Variants in HGS observed in about 807,000 individuals in gnomAD.
The protein encoded by HGS is hepatocyte growth factor-regulated tyrosine kinase substrate.
Under a neutral mutation model 109.7 loss-of-function variants are expected in HGS, and 63 were observed. The ratio of observed to expected loss-of-function variants is 0.57; its 90% CI spans 0.47 to 0.71. HGS has a LOEUF of 0.71. Among genes scored for constraint, HGS ranks in the 30% least tolerant of loss-of-function variants. The probability of loss-of-function intolerance (pLI) is 0.00; values close to 1 mark genes in which losing one functional copy is unlikely to be tolerated. For missense variants in HGS, 995 were observed against 1,068.3 expected, an observed-to-expected ratio of 0.93 and a Z score of 0.96; for synonymous variants, 546 against 437.3, an observed-to-expected ratio of 1.25 and a Z score of -3.10.
rs574168210 is a variant in HGS, at chr17:81,699,338, T to C, written c.1883-1129T>C. 5.3e-5 allele frequency among the ~76,000 whole-genome samples: 8 copies of C among 152,372 alleles called. No individual in the cohort carries two copies. In the East Asian group the frequency reaches 1.3e-3, roughly 26 times the overall value. On this transcript the variant is annotated intron_variant, in intron 18 of 21. Coordinates refer to ENST00000329138, the MANE Select transcript of HGS (RefSeq NM_004712.5). ...TACTGGAATTCACTATCCCATCCCA[T>C]TGGTCAGACCATGTCACTCATTTCA...
chr17:81,696,850 T>C lies in HGS; in HGVS notation c.1734T>C (p.Gly578=), dbSNP rs12951171. 106,429 of 1,609,956 alleles carry C rather than the reference T, an allele frequency of 0.066. 4,621 individuals are homozygous for C. Among genetic ancestry groups the C allele is most frequent in the East Asian group, 0.26 (11,614 of 44,754 alleles). Residue 578 remains glycine (G), a synonymous_variant, in exon 18 of 22, where the codon GGT becomes GGC. Coordinates refer to ENST00000329138, the MANE Select transcript of HGS (RefSeq NM_004712.5). ...AQLQAMPAAG[G]VLYQPSGPAS... ...TCCAGGCCATGCCCGCAGCCGGAGG[T>C]GTGCTCTACCAGCCCTCGGGACCAG...
rs748075076 is a variant in HGS, at chr17:81,686,381, C to T, written c.192C>T (p.Ala64=). Residue 64 remains alanine (A), a synonymous_variant, in exon 3 of 22, where the codon GCC becomes GCT. Coordinates refer to ENST00000329138, the MANE Select transcript of HGS (RefSeq NM_004712.5). ...AGAACCCACACGTCGCCTTGTATGCCCTGGAGGTAAGCAGACCCCCGTGCC... is the reference window on the plus strand; with the variant it reads ...AGAACCCACACGTCGCCTTGTATGCTCTGGAGGTAAGCAGACCCCCGTGCC... ...NDKNPHVALY[A]LEVMESVVKN... is the part of the protein sequence containing the mutation. 1.2e-5 allele frequency: 20 copies of T among 1,613,166 alleles called. No homozygotes were observed. Among genetic ancestry groups the T allele is most frequent in the South Asian group, 5.5e-5 (5 of 91,068 alleles).
intron 18 of HGS, chr17:81,698,098 A>C (rs1272226139): frequency 1.3e-5 from 2 of 152,134 alleles, no homozygotes; most frequent in African/African-American, 4.8e-5. Flanking sequence ...CAGGAGTTCA[A>C]GACCAGCCTG....
rs1207628877 is a variant in HGS at position 81,695,002 on chromosome 17, G to A, written c.1054G>A (p.Val352Met). Reference sequence around the variant, plus strand: ...CAAGAGCCCCACGCCATCTGCGCCCGTGCCCCTGACGGAGCCGGCTGCACA... The same window carrying A: ...CAAGAGCCCCACGCCATCTGCGCCCATGCCCCTGACGGAGCCGGCTGCACA... ...ARKSPTPSAPVPLTEPAAQPG... is the reference protein window; with the variant it reads ...ARKSPTPSAPMPLTEPAAQPG... The change falls in exon 13 of 22, where the codon GTG becomes ATG. Residue 352 changes from valine (V) to methionine (M), a missense_variant. Physicochemically the swap from Val to Met is conservative, Grantham distance 21 (BLOSUM62 1). Around this residue, in one of 6 missense-constraint regions of HGS, gnomAD observed 300 missense variants for 235.4 expected, o/e 1.27. Coordinates refer to ENST00000329138, the MANE Select transcript of HGS (RefSeq NM_004712.5). The A allele has an allele frequency of 5.6e-6, 9 of 1,613,938 alleles. No homozygotes were observed. Among genetic ancestry groups the A allele is most frequent in the African/African-American group, 1.3e-5 (1 of 74,938 alleles).
rs773576395 is a variant in HGS at position 81,695,778 on chromosome 17, G to T, written c.1180-8G>T. On this transcript the variant is annotated splice_polypyrimidine_tract_variant and splice_region_variant and intron_variant, in intron 14 of 21. Transcript: ENST00000329138. Reference sequence around the variant, plus strand: ...CCGCACTCATCCAGAACCCTGCTCTGCCTGCAGCCACAGTTCCACAATGGC... The same window carrying T: ...CCGCACTCATCCAGAACCCTGCTCTTCCTGCAGCCACAGTTCCACAATGGC... The T allele has an allele frequency of 1.9e-6, 3 of 1,613,090 alleles. No individual in the cohort carries two copies. Among genetic ancestry groups the T allele is most frequent in the South Asian group, 2.2e-5 (2 of 91,078 alleles).
intron 8 of HGS, 54 bp from the exon 9 acceptor site, chr17:81,693,449 G>C: frequency 7.4e-7 from 1 of 1,360,248 alleles, no homozygotes; most frequent in East Asian, 2.3e-5. Flanking sequence ...GAGCTTTGGC[G>C]GGGGCAGGGC....
chr17:81,700,632 G>GGCCAGC (rs1215417201), intron 19 of HGS, 32 bp downstream of exon 19: 2 of 1,588,640 alleles, frequency 1.3e-6, no homozygotes, highest in East Asian at 2.3e-5. Context: ...CTCCTTCCAG[G>GGCCAGC]GCCAGCCCCA....
rs749253587 is a variant in HGS, at chr17:81,700,591, G to A, written c.2007G>A (p.Ala669=). Residue 669 remains alanine (A), a synonymous_variant, in exon 19 of 22, where the codon GCG becomes GCA. Transcript: ENST00000329138. ...AYSSYQPTPT[A]GYQNVASQAP... Reference sequence around the variant, plus strand: ...CATCCTACCAGCCTACTCCCACAGCGGGCTACCAGGTACACAGGAAGGCCG... The same window carrying A: ...CATCCTACCAGCCTACTCCCACAGCAGGCTACCAGGTACACAGGAAGGCCG... 6.9e-6 allele frequency: 11 copies of A among 1,605,420 alleles called. No individual in the cohort carries two copies. Among genetic ancestry groups the A allele is most frequent in the Admixed American group, 3.4e-5 (2 of 59,414 alleles).
At position 81,696,591 on chromosome 17, in the gene HGS, T is replaced by C. The variant is rs972000027; in HGVS notation, c.1567-16T>C. 6.3e-7 allele frequency: 1 copy of C among 1,581,494 alleles called. No homozygotes were observed. The highest frequency in any genetic ancestry group is 8.6e-7 in the Non-Finnish European group (1 of 1,160,878). Reference sequence around the variant, plus strand: ...GGGGGACCTCGCAGCATAACCAGCATGTTTTTGCCGCACAGGAGTACCTGG... The same window carrying C: ...GGGGGACCTCGCAGCATAACCAGCACGTTTTTGCCGCACAGGAGTACCTGG... On this transcript the variant is annotated splice_polypyrimidine_tract_variant and intron_variant, in intron 16 of 21. Transcript: ENST00000329138.
Position 81,688,760 on chromosome 17 carries a change from G to A in HGS, c.348G>A (p.Ala116=), listed in dbSNP as rs768316762. 5.6e-6 allele frequency: 9 copies of A among 1,614,046 alleles called. No homozygotes were observed. The highest frequency in any genetic ancestry group is 1.6e-4 in the Middle Eastern group (1 of 6,062). Residue 116 remains alanine, a synonymous_variant, in exon 5 of 22, where the codon GCG becomes GCA. Coordinates refer to ENST00000329138, the MANE Select transcript of HGS (RefSeq NM_004712.5). ...NKILYLIQAW[A]HAFRNEPKYK... The stretch of plus-strand genomic sequence containing the variant: ...TCCTGTACCTGATCCAGGCCTGGGC[G>A]CATGCCTTCCGGAACGAGCCCAAGT...
At chr17:81,701,468 A>G (rs2037236090) in intron 21 of HGS, 40 bp from the exon 22 acceptor site, 3 of 1,520,704 alleles carry the variant, frequency 2.0e-6, no homozygotes, top group African/African-American at 2.8e-5. Flanking sequence ...TGGGCTGGGG[A>G]AGGGAGGACC....
chr17:81,684,409 A>C (rs2036937118), intron 1 of HGS: 3 of 309,682 alleles, frequency 9.7e-6, no homozygotes, highest in African/African-American at 2.2e-5. Context: ...ACCGACGAGC[A>C]CCCGGCCGAG....
At chr17:81,690,558 T>A (rs1297640406) in intron 6 of HGS, 116 bp from the exon 7 acceptor site, 7 of 1,022,112 alleles carry the variant, frequency 6.8e-6, no homozygotes, top group Non-Finnish European at 8.5e-6. Context: ...GGCATTGCTC[T>A]CGCTCGTGCT....
intron 18 of HGS, chr17:81,697,656 GACT>G (rs2037175923): frequency 6.6e-6 from 1 of 152,182 alleles, no homozygotes; most frequent in Admixed American, 6.5e-5. Context: ...AATACCCTGG[GACT>G]CCTCAAGGTC....
intron 4 of HGS, 97 bp downstream of exon 4, chr17:81,687,192 G>A: frequency 1.2e-6 from 1 of 813,100 alleles, no homozygotes; most frequent in South Asian, 1.5e-5. Flanking sequence ...CACCAGGTGT[G>A]GCGGAAAATG....
At chr17:81,687,231 T>C (rs938708062) in intron 4 of HGS, 136 bp downstream of exon 4, 6 of 662,204 alleles carry the variant, frequency 9.1e-6, no homozygotes, top group Admixed American at 4.3e-5. Flanking sequence ...GTCCCTGCAC[T>C]GCGCAAGCTC....
In HGS at chr17:81,693,634, C is replaced by T. The variant is rs778314317; in HGVS notation, c.742-20C>T. 5.2e-6 allele frequency: 8 copies of T among 1,545,466 alleles called. No individual in the cohort carries two copies. The highest frequency in any genetic ancestry group is 6.1e-6 in the Non-Finnish European group (7 of 1,139,286). Reference sequence around the variant, plus strand: ...ACCTCTTCCCCGGCGCCCCCCCTCACCCTCCCCGCTTGTCCTCAGCTGCCC... The same window carrying T: ...ACCTCTTCCCCGGCGCCCCCCCTCATCCTCCCCGCTTGTCCTCAGCTGCCC... On this transcript the variant is annotated intron_variant, in intron 9 of 21. Coordinates refer to ENST00000329138, the MANE Select transcript of HGS (RefSeq NM_004712.5).
intron 21 of HGS, 33 bp from the exon 22 acceptor site, chr17:81,701,475 G>T: frequency 6.5e-7 from 1 of 1,531,112 alleles, no homozygotes; most frequent in South Asian, 1.2e-5. Context: ...GGGAAGGGAG[G>T]ACCAGGGCCA....
At chr17:81,690,308 G>A (rs1318369730) in intron 6 of HGS, 74 bp downstream of exon 6, 42 of 1,497,724 alleles carry the variant, frequency 2.8e-5, no homozygotes, top group Middle Eastern at 1.7e-4. Context: ...CTGGGAGCCC[G>A]GCTTGTTTGA....
Sources: gnomAD v4.1 joint callset for allele counts (sites outside exome capture counted in the v4.1 genomes callset) on GRCh38, gnomAD v4.1.1 for gene constraint, gnomAD v4.1.1 regional missense constraint, MANE v1.5 for transcripts, NCBI Gene and HGNC (gene_info 2026-07-23, HGNC 2026-07-21) for gene names.